PEG3: variants seen among roughly 807,000 people sequenced by gnomAD.
PEG3 encodes the protein paternally-expressed gene 3 protein.
A neutral mutation model predicts 35.5 loss-of-function variants in PEG3; 23 were observed. The ratio of observed to expected loss-of-function variants is 0.65; its 90% CI spans 0.47 to 0.92. The LOEUF is 0.92. Among genes scored for constraint, PEG3 ranks in the 40% least tolerant of loss-of-function variants. The probability of loss-of-function intolerance (pLI) is 0.00; values close to 1 mark genes in which losing one functional copy is unlikely to be tolerated. For missense variants in PEG3, 1,960 were observed against 1,985.3 expected, an observed-to-expected ratio of 0.99 and a Z score of 0.24; for synonymous variants, 707 against 697.0, an observed-to-expected ratio of 1.01 and a Z score of -0.23.
chr19:56,836,131 G>C (rs940827014), intron 1 of PEG3, 27 bp from the exon 2 acceptor site: 1 of 453,538 alleles, frequency 2.2e-6, no homozygotes, highest in Non-Finnish European at 4.5e-6. Flanking sequence ...AATGTGAGAC[G>C]CCAAGTTTAT....
intron 2 of PEG3, among the ~76,000 whole-genome samples, chr19:56,828,322 T>C (rs760981111): frequency 6.6e-6 from 1 of 152,206 alleles, no homozygotes; most frequent in Non-Finnish European, 1.5e-5. Context: ...GATATTGCAG[T>C]TGCAATCTGA....
chr19:56,838,678 G>A (rs1207112725), intron 1 of PEG3, among the ~76,000 whole-genome samples: 1 of 152,174 alleles, frequency 6.6e-6, no homozygotes, highest in African/African-American at 2.4e-5. Flanking sequence ...AAATGGCTCC[G>A]CGGCCGCTAA....
chr19:56,816,874 T>C lies in PEG3; in HGVS notation c.1568A>G (p.His523Arg), dbSNP rs763791862. ...TFNKSAALAE[H>R]RKIHARGYLV... Reference sequence around the variant, plus strand: ...ATAACCTCTAGCATGAATCTTCCGATGTTCAGCCAAGGCGGCACTCTTATT... The same window carrying C: ...ATAACCTCTAGCATGAATCTTCCGACGTTCAGCCAAGGCGGCACTCTTATT... Residue 523 changes from histidine to arginine, a missense_variant, in exon 10 of 10, where the codon CAT (histidine) becomes CGT (arginine). Coordinates refer to ENST00000326441, the MANE Select transcript of PEG3 (RefSeq NM_006210.3). 9.9e-6 allele frequency: 16 copies of C among 1,614,192 alleles called. No homozygotes were observed. Among genetic ancestry groups the C allele is most frequent in the Non-Finnish European group, 1.2e-5 (14 of 1,180,000 alleles).
At position 56,824,439 on chromosome 19, in the gene PEG3, C is replaced by A; in HGVS notation, c.217G>T (p.Asp73Tyr). The stretch of plus-strand genomic sequence containing the variant: ...GTGCGGGTCTCCGGCTGCAACCAAT[C>A]GAGGCAGAGGTTTCGGAGTTTGATC... ...TLIKLRNLCL[D>Y]WLQPETRTKE... Residue 73 changes from aspartate to tyrosine, a missense_variant, in exon 4 of 10, where the codon GAT becomes TAT. By Grantham distance (160) the Asp-to-Tyr change is radical. Transcript: ENST00000326441. 7 of 1,614,072 alleles carry A rather than the reference C, an allele frequency of 4.3e-6. No individual in the cohort carries two copies. Among genetic ancestry groups the A allele is most frequent in the Non-Finnish European group, 5.1e-6 (6 of 1,180,020 alleles).
intron 3 of PEG3, among the ~76,000 whole-genome samples, chr19:56,825,235 A>G (rs1248491752): frequency 1.3e-5 from 2 of 152,244 alleles, no homozygotes; most frequent in East Asian, 3.8e-4. Context: ...TCTTCCCTTA[A>G]CACAATTATT....
At chr19:56,822,283 CCAA>C (rs1192511842) in intron 6 of PEG3, among the ~76,000 whole-genome samples, 4 of 152,324 alleles carry the variant, frequency 2.6e-5, no homozygotes, top group South Asian at 2.1e-4. Flanking sequence ...AGTATGGACA[CCAA>C]CAATACACTG....
chr19:56,825,639 G>A (rs763362159), intron 3 of PEG3, among the ~76,000 whole-genome samples: 9 of 151,564 alleles, frequency 5.9e-5, no homozygotes, highest in Non-Finnish European at 1.2e-4. Flanking sequence ...ATTTTATTGC[G>A]TATTTTAATG....
chr19:56,816,855 T>G lies in PEG3; in HGVS notation c.1587A>C (p.Arg529Ser). The G allele has an allele frequency of 6.2e-7, 1 of 1,614,110 alleles. No individual in the cohort carries two copies. Among genetic ancestry groups the G allele is most frequent in the South Asian group, 1.1e-5 (1 of 91,078 alleles). Residue 529 changes from arginine to serine, a missense_variant, in exon 10 of 10, where the codon AGA (arginine) becomes AGC (serine). By Grantham distance (110) the Arg-to-Ser change is moderately radical (BLOSUM62 -1). Coordinates refer to ENST00000326441, the MANE Select transcript of PEG3 (RefSeq NM_006210.3). Reference sequence around the variant, plus strand: ...GATTCTTACATTCCACAAGATAACCTCTAGCATGAATCTTCCGATGTTCAG... The same window carrying G: ...GATTCTTACATTCCACAAGATAACCGCTAGCATGAATCTTCCGATGTTCAG... Reference protein sequence around the residue: ...ALAEHRKIHARGYLVECKNQE... With the variant: ...ALAEHRKIHASGYLVECKNQE...
Position 56,816,923 on chromosome 19 carries a change from A to C in PEG3, c.1519T>G (p.Cys507Gly), listed in dbSNP as rs779079592. The change falls in exon 10 of 10, where the codon TGT (cysteine) becomes GGT (glycine). Residue 507 changes from cysteine to glycine, a missense_variant. Physicochemically the swap from Cys to Gly is radical, Grantham distance 159 (BLOSUM62 -3). This residue lies in a region of PEG3 where 798 missense variants were observed against 782.4 expected (regional missense o/e 1.02). Transcript: ENST00000326441. Reference sequence around the variant, plus strand: ...TTGAAGGTCTCTCCACAGTCCTTACATTCAAAACGTTTCCCTCCAACCTGA... The same window carrying C: ...TTGAAGGTCTCTCCACAGTCCTTACCTTCAAAACGTTTCCCTCCAACCTGA... The part of the protein sequence containing the change: ...KSQVGGKRFE[C>G]KDCGETFNKS... 1.4e-5 allele frequency: 22 copies of C among 1,614,072 alleles called. No individual in the cohort carries two copies. In the Admixed American group the frequency reaches 3.5e-4, roughly 26 times the overall value.
chr19:56,826,620 A>T (rs1334333880), intron 2 of PEG3, among the ~76,000 whole-genome samples, 157 bp from the exon 3 acceptor site: 1 of 152,226 alleles, frequency 6.6e-6, no homozygotes, highest in Non-Finnish European at 1.5e-5. Context: ...CATGCTATAT[A>T]AACCATGCCA....
intron 4 of PEG3, 37 bp downstream of exon 4, chr19:56,824,225 C>A: frequency 6.2e-7 from 1 of 1,601,452 alleles, no homozygotes; most frequent in Non-Finnish European, 8.5e-7. Flanking sequence ...ACACCTGAGG[C>A]CTGCACTGAC....
At chr19:56,840,425 G>C (rs1477551494) in intron 1 of PEG3, among the ~76,000 whole-genome samples, 157 bp downstream of exon 1, 1 of 152,186 alleles carries the variant, frequency 6.6e-6, no homozygotes, top group Non-Finnish European at 1.5e-5. Context: ...GCAGCGGGCG[G>C]CCAAGTACCA....
rs1398833265 is a variant in PEG3, at chr19:56,815,372, A to G, written c.3070T>C (p.Tyr1024His). 11 of 1,614,096 alleles carry G rather than the reference A, an allele frequency of 6.8e-6. No homozygotes were observed. The highest frequency in any genetic ancestry group is 1.3e-5 in the African/African-American group (1 of 74,934). Residue 1024 changes from tyrosine to histidine, a missense_variant, in exon 10 of 10, where the codon TAT (tyrosine) becomes CAT (histidine). Physicochemically the swap from Tyr to His is moderately conservative, Grantham distance 83 (BLOSUM62 2). Transcript: ENST00000326441. ...DPQTSYAQEQ[Y>H]AKEQARNKCK... ...TTGTTCCGCGCTTGCTCTTTAGCAT[A>G]CTGCTCTTGGGCGTAACTTGTTTGA...
chr19:56,837,882 C>T (rs1017496229), intron 1 of PEG3, among the ~76,000 whole-genome samples: 3 of 152,192 alleles, frequency 2.0e-5, no homozygotes, highest in Non-Finnish European at 4.4e-5. Context: ...ACGCTCACTC[C>T]TACAGCGCAG....
chr19:56,811,661 G>A lies in PEG3; in HGVS notation c.*2014C>T, dbSNP rs1430822840. On this transcript the variant is annotated 3_prime_UTR_variant, in exon 10 of 10. Transcript: ENST00000326441. Reference sequence around the variant, plus strand: ...CAAAGTTCACCCCGACATCAACACTGATTCTCGTTTCAAGAGTCCTTTTCC... The same window carrying A: ...CAAAGTTCACCCCGACATCAACACTAATTCTCGTTTCAAGAGTCCTTTTCC... The A allele has an allele frequency of 3.0e-6, 3 of 985,378 alleles. No individual in the cohort carries two copies. Among genetic ancestry groups the A allele is most frequent in the Non-Finnish European group, 3.6e-6 (3 of 829,902 alleles). The allele number at this position is 985,378 out of a possible 1,614,324, so 61.0% of individuals were successfully genotyped here.
rs1190513853 is a variant in PEG3 at position 56,812,457 on chromosome 19, G to A, written c.*1218C>T. ...AATGCAAGTTAGACATGGAGTTAGA[G>A]GGTCAGATAAATAACGAAGAGAATT... On this transcript the variant is annotated 3_prime_UTR_variant, in exon 10 of 10. Coordinates refer to ENST00000326441, the MANE Select transcript of PEG3 (RefSeq NM_006210.3). The A allele has an allele frequency of 1.0e-5, 10 of 984,550 alleles. No individual in the cohort carries two copies. The highest frequency in any genetic ancestry group is 3.5e-5 in the African/African-American group (2 of 57,152). The allele number at this position is 984,550 out of a possible 1,614,324, so 61.0% of individuals were successfully genotyped here.
At chr19:56,826,690 C>CA (rs1469576858) in intron 2 of PEG3, among the ~76,000 whole-genome samples, 1 of 152,088 alleles carries the variant, frequency 6.6e-6, no homozygotes, top group East Asian at 1.9e-4. Flanking sequence ...GTCAAAAACG[C>CA]AAGACAAAGA....
intron 1 of PEG3, among the ~76,000 whole-genome samples, chr19:56,840,168 G>C (rs2062834835): frequency 6.6e-6 from 1 of 152,212 alleles, no homozygotes; most frequent in Admixed American, 6.5e-5. Context: ...TGGCAACAGG[G>C]ATAGCATTGG....
rs548648877 is a variant in PEG3 at position 56,824,751 on chromosome 19, G to A, written c.-86-10C>T. 26 of 1,198,426 alleles carry A rather than the reference G, an allele frequency of 2.2e-5. No individual in the cohort carries two copies. The highest frequency in any genetic ancestry group is 2.4e-4 in the Middle Eastern group (1 of 4,248). 74.2% of individuals were successfully genotyped at this position (1,198,426 alleles called of 1,614,324 possible). ...GTCAGTACTCAGGGACCTGTGGATC[G>A]TAAGGAGATATACACATGTCCCAGA... On this transcript the variant is annotated splice_polypyrimidine_tract_variant and intron_variant, in intron 3 of 9. Coordinates refer to ENST00000326441, the MANE Select transcript of PEG3 (RefSeq NM_006210.3).
Sources: gnomAD v4.1 joint callset for allele counts (sites outside exome capture counted in the v4.1 genomes callset) on GRCh38, gnomAD v4.1.1 for gene constraint, gnomAD v4.1.1 regional missense constraint, MANE v1.5 for transcripts, NCBI Gene and HGNC (gene_info 2026-07-23, HGNC 2026-07-21) for gene names.